Variants in ANKS1B observed in about 807,000 individuals in gnomAD.
ANKS1B encodes ankyrin repeat and sterile alpha motif domain containing 1B.
ANKS1B carries 36 observed loss-of-function variants against 148.3 expected under a neutral mutation model. That is an observed-to-expected ratio of 0.24 (90% confidence interval 0.19 to 0.32). ANKS1B has a LOEUF of 0.32. ANKS1B is among the 10% of genes least tolerant of loss of function. The pLI is 1.00. For synonymous variants in ANKS1B, 542 were observed against 560.8 expected (o/e 0.97, Z 0.47); for missense variants, 1,157 against 1,542.6 (o/e 0.75, Z 4.19).
intron 17 of ANKS1B, among the ~76,000 whole-genome samples, chr12:98,975,962 A>G (rs2099894795): frequency 6.6e-6 from 1 of 152,206 alleles, no homozygotes; most frequent in African/African-American, 2.4e-5. Flanking sequence ...TGAGTAATCT[A>G]CCCCAATTCC....
intron 12 of ANKS1B, among the ~76,000 whole-genome samples, chr12:99,318,947 G>C (rs1481777953): frequency 6.6e-6 from 1 of 152,104 alleles, no homozygotes; most frequent in Non-Finnish European, 1.5e-5. Context: ...TCATTCAGGA[G>C]CAGGTTGTTC....
chr12:99,644,660 C>G (rs1307896091), intron 9 of ANKS1B, among the ~76,000 whole-genome samples: 1 of 152,124 alleles, frequency 6.6e-6, no homozygotes, highest in Non-Finnish European at 1.5e-5. Context: ...CTTCCAGGTA[C>G]CAAAATGTGG....
intron 14 of ANKS1B, among the ~76,000 whole-genome samples, chr12:99,201,784 G>A (rs1269066610): frequency 4.6e-5 from 7 of 152,104 alleles, no homozygotes; most frequent in Admixed American, 4.6e-4. Flanking sequence ...ATGATAGCAA[G>A]GTTTATTTTA....
chr12:99,740,989 T>G (rs1343144458), intron 8 of ANKS1B, among the ~76,000 whole-genome samples: 1 of 152,080 alleles, frequency 6.6e-6, no homozygotes, highest in African/African-American at 2.4e-5. Flanking sequence ...GGCAGACACC[T>G]AACTAGGTCA....
At chr12:99,778,817 T>C (rs1447199773) in intron 6 of ANKS1B, among the ~76,000 whole-genome samples, 1 of 152,154 alleles carries the variant, frequency 6.6e-6, no homozygotes, top group Non-Finnish European at 1.5e-5. Flanking sequence ...TCTATTCCTT[T>C]TACTCCTCCT....
At chr12:99,749,576 A>C (rs2153592632) in intron 8 of ANKS1B, among the ~76,000 whole-genome samples, 1 of 152,250 alleles carries the variant, frequency 6.6e-6, no homozygotes, top group South Asian at 2.1e-4. Context: ...GATATGGCAG[A>C]AATTTTCTCT....
intron 9 of ANKS1B, among the ~76,000 whole-genome samples, chr12:99,597,343 G>T (rs2097766814): frequency 6.6e-6 from 1 of 151,862 alleles, no homozygotes; most frequent in South Asian, 2.1e-4. Flanking sequence ...AAATAGTTTT[G>T]TGAAATTTGG....
chr12:98,779,595 AG>A (rs1269648542), intron 24 of ANKS1B, among the ~76,000 whole-genome samples: 1 of 152,170 alleles, frequency 6.6e-6, no homozygotes, highest in Non-Finnish European at 1.5e-5. Context: ...GTTTCAATTT[AG>A]GGAAAAAAAA....
chr12:98,742,110 A>G (rs2097802902), downstream of ANKS1B, among the ~76,000 whole-genome samples: 1 of 152,228 alleles, frequency 6.6e-6, no homozygotes. Context: ...CAGGGCTTGG[A>G]ACATGCATAT....
intron 1 of ANKS1B, among the ~76,000 whole-genome samples, chr12:99,897,274 GC>G (rs2093418430): frequency 6.6e-6 from 1 of 151,050 alleles, no homozygotes. Flanking sequence ...ACTTACTATA[GC>G]TTTTTTCAAA....
At chr12:99,059,806 T>TATATATATATATA (rs10526013) in intron 16 of ANKS1B, among the ~76,000 whole-genome samples, 20 of 144,636 alleles carry the variant, frequency 1.4e-4, no homozygotes, top group South Asian at 2.2e-4. Flanking sequence ...TATATATATA[T>TATATATATATATA]GATAGGACGT....
chr12:99,654,504 AC>A (rs2098440630), intron 9 of ANKS1B, among the ~76,000 whole-genome samples: 1 of 152,202 alleles, frequency 6.6e-6, no homozygotes, highest in South Asian at 2.1e-4. Flanking sequence ...ATGGTTCACA[AC>A]CCACAACAGG....
In ANKS1B at chr12:98,801,062, G is replaced by A; in HGVS notation, c.3205C>T (p.Pro1069Ser). 1 of 1,612,900 alleles carries A rather than the reference G, an allele frequency of 6.2e-7. No individual in the cohort carries two copies. Among genetic ancestry groups the A allele is most frequent in the Non-Finnish European group, 8.5e-7 (1 of 1,179,494 alleles). ...RPPNEATAST[P>S]VQYWQHHPEK... ...GGGTGATGCTGCCAGTACTGTACCG[G>A]GGTAGAGGCTGTGGCTTCATTCGGA... The change falls in exon 21 of 27, where the codon CCG (proline) becomes TCG (serine). Residue 1069 changes from proline to serine, a missense_variant. Pro to Ser is a moderately conservative substitution (Grantham distance 74). This residue lies in a region of ANKS1B where 258 missense variants were observed against 497.0 expected (regional missense o/e 0.52). Transcript: ENST00000683438. The surrounding 1 kb of genome is among the most constrained non-coding windows in gnomAD (Gnocchi z 5.2).
chr12:99,593,316 T>C (rs2097723169), intron 9 of ANKS1B, among the ~76,000 whole-genome samples: 1 of 152,064 alleles, frequency 6.6e-6, no homozygotes, highest in Admixed American at 6.6e-5. Context: ...AAAGAAAACA[T>C]TAATTTTGGT....
At chr12:99,482,315 C>T (rs1299433788) in intron 10 of ANKS1B, among the ~76,000 whole-genome samples, 1 of 151,804 alleles carries the variant, frequency 6.6e-6, no homozygotes, top group Non-Finnish European at 1.5e-5. Flanking sequence ...TATTTGTCTG[C>T]TTTGTCAAAA....
At chr12:99,154,450 A>T in intron 14 of ANKS1B, 55 bp from the exon 15 acceptor site, 1 of 1,613,414 alleles carries the variant, frequency 6.2e-7, no homozygotes, top group Non-Finnish European at 8.5e-7. Context: ...TCCACGGGGT[A>T]ATAGCGGTAG....
intron 22 of ANKS1B, among the ~76,000 whole-genome samples, chr12:98,791,578 G>A (rs936456699): frequency 6.6e-6 from 1 of 152,052 alleles, no homozygotes; most frequent in Non-Finnish European, 1.5e-5. Flanking sequence ...ATGGGATCTG[G>A]CTATGTTGCC....
chr12:99,459,946 C>T (rs2095922695), intron 10 of ANKS1B, among the ~76,000 whole-genome samples: 1 of 151,930 alleles, frequency 6.6e-6, no homozygotes, highest in Non-Finnish European at 1.5e-5. Context: ...CCCACATAAC[C>T]AAAACAAGAC....
intron 1 of ANKS1B, among the ~76,000 whole-genome samples, chr12:99,877,693 G>C (rs569222030): frequency 1.3e-5 from 2 of 152,228 alleles, no homozygotes; most frequent in East Asian, 3.9e-4. Context: ...GGGCTTTTCG[G>C]CTTCTCAAAG....
Sources: allele counts gnomAD v4.1 joint callset (sites outside exome capture counted in the v4.1 genomes callset), GRCh38; gene constraint gnomAD v4.1.1; regional missense constraint gnomAD v4.1.1; non-coding constraint Gnocchi (gnomAD v3.1); transcripts MANE v1.5; gene names NCBI Gene and HGNC (gene_info 2026-07-23, HGNC 2026-07-21).